CACNA2D1: variants seen among roughly 807,000 people sequenced by gnomAD.
CACNA2D1 encodes voltage-dependent calcium channel subunit alpha-2/delta-1.
In CACNA2D1, 53 loss-of-function variants were observed where a neutral mutation model predicts 171.5. The ratio of observed to expected loss-of-function variants is 0.31; its 90% CI spans 0.25 to 0.39. The LOEUF (loss-of-function observed/expected upper bound fraction) is 0.39, where lower values mean the gene tolerates loss of function less well. Ranked by LOEUF, CACNA2D1 falls within the 10% of genes least tolerant of loss-of-function variation. The probability of loss-of-function intolerance (pLI) is 1.00; values close to 1 mark genes in which losing one functional copy is unlikely to be tolerated. For synonymous variants in CACNA2D1, 442 were observed against 443.1 expected (o/e 1.00, Z 0.03); for missense variants, 903 against 1,299.8 (o/e 0.69, Z 4.69).
Position 82,389,068 on chromosome 7 carries a change from A to G in CACNA2D1, c.96-39419T>C, listed in dbSNP as rs530205938. 2.0e-5 allele frequency among the ~76,000 whole-genome samples: 3 copies of G among 151,244 alleles called. No homozygotes were observed. In the South Asian group the frequency reaches 6.3e-4, roughly 32 times the overall value. On this transcript the variant is annotated intron_variant, in intron 1 of 38. Transcript: ENST00000356860. ...GAGGTGGAGGTTGCAGTGAGCCGAGATGCCGCCACTGCACTCCAGCCTGGG... is the reference window on the plus strand; with the variant it reads ...GAGGTGGAGGTTGCAGTGAGCCGAGGTGCCGCCACTGCACTCCAGCCTGGG...
rs142915273 is a variant in CACNA2D1 at position 82,271,612 on chromosome 7, T to A, written c.294+63523A>T. ...CATGCCATATTTTTGAATAAATATA[T>A]TCTCCCTTTTGTGTGTGAAAAATAG... On this transcript the variant is annotated intron_variant, in intron 3 of 38. Coordinates refer to ENST00000356860, the MANE Select transcript of CACNA2D1 (RefSeq NM_000722.4). 7.1e-4 allele frequency among the ~76,000 whole-genome samples: 108 copies of A among 152,190 alleles called. 2 individuals are homozygous for A. In the East Asian group the frequency reaches 0.02, roughly 28 times the overall value.
At chr7:82,264,198 C>G (rs1008620891) in intron 3 of CACNA2D1, among the ~76,000 whole-genome samples, 1 of 152,146 alleles carries the variant, frequency 6.6e-6, no homozygotes, top group South Asian at 2.1e-4. Flanking sequence ...AAAATGCACA[C>G]TTAATGATAC....
chr7:82,212,343 G>T (rs1051992007), intron 3 of CACNA2D1, among the ~76,000 whole-genome samples: 9 of 152,106 alleles, frequency 5.9e-5, no homozygotes, highest in African/African-American at 2.2e-4. Context: ...GTCACACTTT[G>T]TTTACAAAAT....
chr7:82,428,724 C>T (rs753894438), intron 1 of CACNA2D1, among the ~76,000 whole-genome samples: 24 of 152,180 alleles, frequency 1.6e-4, no homozygotes, highest in Admixed American at 1.1e-3. Flanking sequence ...CTAAAAGGTC[C>T]GGTATGTGAT....
chr7:82,131,759 T>C (rs1351460485), intron 5 of CACNA2D1, among the ~76,000 whole-genome samples: 1 of 152,162 alleles, frequency 6.6e-6, no homozygotes, highest in Non-Finnish European at 1.5e-5. Context: ...AATACATAGC[T>C]AAACTAGCAT....
intron 15 of CACNA2D1, among the ~76,000 whole-genome samples, chr7:82,010,132 A>G (rs962284326): frequency 3.3e-5 from 5 of 152,052 alleles, no homozygotes; most frequent in Admixed American, 6.6e-5. Flanking sequence ...CTTTGCCCCC[A>G]ATATTGGCTT....
At chr7:82,028,206 G>T (rs949983407) in intron 12 of CACNA2D1, 1 of 151,622 alleles carries the variant, frequency 6.6e-6, no homozygotes, top group African/African-American at 2.4e-5. Context: ...AAATCTCAGG[G>T]TCCTTAAGAA....
rs575469354 is a variant in CACNA2D1, at chr7:82,241,036, C to T, written c.295-70427G>A. Among the ~76,000 whole-genome samples, 225 of 151,868 alleles carry T rather than the reference C, an allele frequency of 1.5e-3. 4 individuals are homozygous for T. The highest frequency in any genetic ancestry group is 4.8e-3 in the African/African-American group (197 of 41,436). On this transcript the variant is annotated intron_variant, in intron 3 of 38. Coordinates refer to ENST00000356860, the MANE Select transcript of CACNA2D1 (RefSeq NM_000722.4). The stretch of plus-strand genomic sequence containing the variant: ...AAAGTATAGTTATGGAAATATTTTA[C>T]GATTTTAACTGAATGGAGAGTATAC...
chr7:82,204,062 C>T (rs543010331), intron 3 of CACNA2D1, among the ~76,000 whole-genome samples: 8 of 152,300 alleles, frequency 5.3e-5, no homozygotes, highest in African/African-American at 1.4e-4. Context: ...AAGCCTTCAC[C>T]GTTTAAGGAA....
intron 3 of CACNA2D1, among the ~76,000 whole-genome samples, chr7:82,235,616 T>C (rs553484737): frequency 1.3e-5 from 2 of 152,184 alleles, no homozygotes; most frequent in African/African-American, 2.4e-5. Context: ...TTTAACAATA[T>C]TGATGCAAGT....
intron 35 of CACNA2D1, 44 bp from the exon 36 acceptor site, chr7:81,962,067 G>A (rs754086995): frequency 1.2e-6 from 2 of 1,602,236 alleles, no homozygotes; most frequent in Admixed American, 1.7e-5. Context: ...ACACCATTAG[G>A]AGGGGTCTCT....
At chr7:82,311,257 C>A (rs914104006) in intron 3 of CACNA2D1, among the ~76,000 whole-genome samples, 3 of 151,786 alleles carry the variant, frequency 2.0e-5, no homozygotes, top group Admixed American at 6.6e-5. Flanking sequence ...AATGGTATGT[C>A]TTCAAGGAGG....
chr7:82,213,549 AAAAC>A (rs1800780289), intron 3 of CACNA2D1, among the ~76,000 whole-genome samples: 1 of 152,212 alleles, frequency 6.6e-6, no homozygotes, highest in African/African-American at 2.4e-5. Context: ...GCCAAAAACT[AAAAC>A]AAAACCTGCT....
chr7:82,384,538 G>T (rs1355740548), intron 1 of CACNA2D1, among the ~76,000 whole-genome samples: 1 of 151,688 alleles, frequency 6.6e-6, no homozygotes, highest in Non-Finnish European at 1.5e-5. Context: ...TTTTCTTATA[G>T]CAGCCTCAGC....
intron 1 of CACNA2D1, among the ~76,000 whole-genome samples, chr7:82,388,498 T>C (rs1563475003): frequency 6.6e-6 from 1 of 152,218 alleles, no homozygotes; most frequent in Non-Finnish European, 1.5e-5. Flanking sequence ...GGTCATAGTA[T>C]CTCTGCTGTT....
At chr7:82,038,584 T>C (rs943655680) in intron 10 of CACNA2D1, among the ~76,000 whole-genome samples, 13 of 152,172 alleles carry the variant, frequency 8.5e-5, no homozygotes, top group African/African-American at 3.1e-4. Context: ...CCAGAAATGA[T>C]ATGGGATGCT....
At chr7:82,025,471 A>C (rs2131070377) in intron 12 of CACNA2D1, among the ~76,000 whole-genome samples, 1 of 151,800 alleles carries the variant, frequency 6.6e-6, no homozygotes, top group South Asian at 2.1e-4. Context: ...TAGAGTATAG[A>C]AACACAACTG....
intron 10 of CACNA2D1, among the ~76,000 whole-genome samples, chr7:82,054,323 G>A (rs775762776): frequency 1.3e-5 from 2 of 152,162 alleles, no homozygotes; most frequent in Non-Finnish European, 2.9e-5. Context: ...GCCTGAGATT[G>A]CAGGGAACCC....
intron 10 of CACNA2D1, 92 bp from the exon 11 acceptor site, chr7:82,038,327 T>C (rs889396730): frequency 1.2e-5 from 13 of 1,060,902 alleles, no homozygotes; most frequent in Admixed American, 2.1e-5. Flanking sequence ...CTAAACGGTA[T>C]TGCATTGCTT....
Sources: gnomAD v4.1 joint callset for allele counts (sites outside exome capture counted in the v4.1 genomes callset) on GRCh38, gnomAD v4.1.1 for gene constraint, MANE v1.5 for transcripts, NCBI Gene and HGNC (gene_info 2026-07-23, HGNC 2026-07-21) for gene names.